XPO4: variants seen among roughly 807,000 people sequenced by gnomAD.
XPO4 encodes the protein exportin 4.
Under a neutral mutation model 143.0 loss-of-function variants are expected in XPO4, and 39 were observed. The observed-to-expected ratio is 0.27, with a 90% confidence interval of 0.21 to 0.36. The LOEUF is 0.36. Among genes scored for constraint, XPO4 ranks in the 10% least tolerant of loss-of-function variants. The pLI is 1.00. For synonymous variants in XPO4, 439 were observed against 474.0 expected, an observed-to-expected ratio of 0.93 and a Z score of 0.96; for missense variants, 907 against 1,348.0, an observed-to-expected ratio of 0.67 and a Z score of 5.12.
At chr13:20,866,398 G>T in intron 2 of XPO4, 1 of 983,334 alleles carries the variant, frequency 1.0e-6, no homozygotes, top group South Asian at 4.7e-5. Context: ...AAGCATCAAA[G>T]AAAGTCTCCC....
In XPO4 at chr13:20,826,210, C is replaced by T. The variant is rs372226759; in HGVS notation, c.840+857G>A. Among the ~76,000 whole-genome samples, 15 of 152,258 alleles carry T rather than the reference C, an allele frequency of 9.9e-5. No individual in the cohort carries two copies. The South Asian group carries it at 3.1e-3, about 32-fold the overall frequency. The stretch of plus-strand genomic sequence containing the variant: ...CCGTTTTATTGGGGATACACACTGG[C>T]CAATGTGGGAACATACTGCTTACAT... On this transcript the variant is annotated intron_variant, in intron 7 of 22. Coordinates refer to ENST00000255305, the MANE Select transcript of XPO4 (RefSeq NM_022459.5).
At chr13:20,794,230 A>G (rs1370570941) in intron 18 of XPO4, among the ~76,000 whole-genome samples, 1 of 152,158 alleles carries the variant, frequency 6.6e-6, no homozygotes, top group Admixed American at 6.5e-5. Flanking sequence ...AAATAAGACA[A>G]ATCTGGTAGT....
rs780127207 is a variant in XPO4 at position 20,862,694 on chromosome 13, G to T, written c.317+23C>A. The T allele has an allele frequency of 1.3e-5, 21 of 1,612,980 alleles. No individual in the cohort carries two copies. The African/African-American group carries it at 2.8e-4, about 22-fold the overall frequency. ...ACATAAGCTCAGCAAAAGTATTTCA[G>T]CAGTCCCCCTCCATGTACTTACTTG... On this transcript the variant is annotated intron_variant, in intron 3 of 22. Transcript: ENST00000255305.
intron 13 of XPO4, among the ~76,000 whole-genome samples, chr13:20,804,213 T>A (rs1845409686): frequency 6.7e-6 from 1 of 149,598 alleles, no homozygotes; most frequent in South Asian, 2.1e-4. Context: ...ATACACACAT[T>A]ATATATATAT....
At chr13:20,883,604 G>T (rs11839184) in intron 1 of XPO4, among the ~76,000 whole-genome samples, 8,715 of 152,156 alleles carry the variant, frequency 0.057, 636 homozygotes, top group African/African-American at 0.17. Flanking sequence ...ATCTTTCAGG[G>T]ATTAGAGTAT....
intron 18 of XPO4, among the ~76,000 whole-genome samples, chr13:20,791,122 T>A (rs958311851): frequency 2.0e-5 from 3 of 151,686 alleles, no homozygotes; most frequent in African/African-American, 7.3e-5. Flanking sequence ...TATATATATA[T>A]ATAAATTAAT....
intron 3 of XPO4, chr13:20,856,389 C>T: frequency 2.0e-6 from 2 of 984,804 alleles, no homozygotes; most frequent in Non-Finnish European, 2.4e-6. Context: ...AAGCACCCAT[C>T]CCAAGTGGAG....
In XPO4 at chr13:20,884,953, TG is replaced by T. The variant is rs563193288; in HGVS notation, c.70-16253del. 6.2e-4 allele frequency among the ~76,000 whole-genome samples: 94 copies of T among 152,128 alleles called. 1 individual carries two copies. Among genetic ancestry groups the T allele is most frequent in the Non-Finnish European group, 1.0e-3 (68 of 67,978 alleles). ...AGTAAAAAGAGAGGTTTTTTTGGTTTGTTTTTTTGTTTGTTTGTTTGTTTTT... is the reference window on the plus strand; with the variant it reads ...AGTAAAAAGAGAGGTTTTTTTGGTTTTTTTTTTGTTTGTTTGTTTGTTTTT... On this transcript the variant is annotated intron_variant, in intron 1 of 22. Coordinates refer to ENST00000255305, the MANE Select transcript of XPO4 (RefSeq NM_022459.5).
At chr13:20,880,681 G>A (rs1033832091) in intron 1 of XPO4, among the ~76,000 whole-genome samples, 1 of 152,076 alleles carries the variant, frequency 6.6e-6, no homozygotes, top group Non-Finnish European at 1.5e-5. Context: ...AAGCGGTAGG[G>A]GGCAGTGGCT....
intron 4 of XPO4, chr13:20,850,029 C>CCCTG: frequency 1.2e-6 from 1 of 808,446 alleles, no homozygotes; most frequent in South Asian, 5.6e-5. Context: ...TCGCTTAAAC[C>CCCTG]CAGGAGGCGG....
At chr13:20,846,838 A>G (rs2060034011) in intron 4 of XPO4, among the ~76,000 whole-genome samples, 1 of 152,116 alleles carries the variant, frequency 6.6e-6, no homozygotes. Context: ...TCCACTTTAT[A>G]CCTATGAAAT....
chr13:20,892,385 G>A (rs1053480338), intron 1 of XPO4, among the ~76,000 whole-genome samples: 3 of 150,550 alleles, frequency 2.0e-5, no homozygotes, highest in African/African-American at 7.5e-5. Context: ...ACCATGCCCA[G>A]CCAAATTTTA....
At chr13:20,902,612 T>C (rs1431951260) in intron 1 of XPO4, 58 bp downstream of exon 1, 2 of 1,493,022 alleles carry the variant, frequency 1.3e-6, no homozygotes, top group African/African-American at 2.9e-5. Context: ...AGGCCTGGAG[T>C]GGCAGGGCCG....
At chr13:20,863,252 G>T (rs1295067916) in intron 2 of XPO4, 2 of 299,134 alleles carry the variant, frequency 6.7e-6, no homozygotes, top group Non-Finnish European at 1.0e-5. Context: ...ACTAGTCATT[G>T]AACATTACTA....
intron 18 of XPO4, among the ~76,000 whole-genome samples, chr13:20,792,354 AG>A (rs1217123969): frequency 1.3e-5 from 2 of 151,974 alleles, no homozygotes; most frequent in Non-Finnish European, 2.9e-5. Flanking sequence ...GCACTCTGGG[AG>A]GGTGAGACAG....
At chr13:20,879,402 C>A (rs2060384489) in intron 1 of XPO4, 1 of 808,672 alleles carries the variant, frequency 1.2e-6, no homozygotes, top group South Asian at 5.6e-5. Context: ...CAATGAATAC[C>A]CACAAGCAGG....
chr13:20,792,723 C>A (rs962909725), intron 18 of XPO4, among the ~76,000 whole-genome samples: 1,738 of 97,006 alleles, frequency 0.018, no homozygotes, highest in East Asian at 0.093. Context: ...CTCTGTCTCA[C>A]AAAAAAAAAA....
chr13:20,812,548 T>G (rs1167760804), intron 9 of XPO4, among the ~76,000 whole-genome samples: 1 of 151,846 alleles, frequency 6.6e-6, no homozygotes. Context: ...AAAAAAAAAC[T>G]TTCAACTACA....
intron 1 of XPO4, among the ~76,000 whole-genome samples, chr13:20,892,149 C>T (rs1333965649): frequency 2.0e-5 from 3 of 151,870 alleles, no homozygotes; most frequent in Non-Finnish European, 2.9e-5. Flanking sequence ...TGCAGTGGCA[C>T]GATCTTGGCT....
Sources: allele counts gnomAD v4.1 joint callset (sites outside exome capture counted in the v4.1 genomes callset), GRCh38; gene constraint gnomAD v4.1.1; transcripts MANE v1.5; gene names NCBI Gene and HGNC (gene_info 2026-07-23, HGNC 2026-07-21).